Variants in ZNF423 observed in about 807,000 individuals in gnomAD.
ZNF423 encodes zinc finger protein 423, also known as Ebf-associated zinc finger protein.
A neutral mutation model predicts 95.8 loss-of-function variants in ZNF423; 12 were observed. The ratio of observed to expected loss-of-function variants is 0.13; its 90% CI spans 0.08 to 0.20. The LOEUF (loss-of-function observed/expected upper bound fraction) is 0.20. ZNF423 is among the 10% of genes least tolerant of loss of function. The pLI is 1.00. For missense variants in ZNF423, 1,316 were observed against 1,737.1 expected, an observed-to-expected ratio of 0.76 and a Z score of 4.31; for synonymous variants, 749 against 711.9, an observed-to-expected ratio of 1.05 and a Z score of -0.83.
intron 7 of ZNF423, among the ~76,000 whole-genome samples, chr16:49,500,737 T>A (rs543819534): frequency 6.7e-6 from 1 of 148,786 alleles, no homozygotes; most frequent in South Asian, 2.1e-4. Flanking sequence ...TGAAACCCCA[T>A]CTCTACGAAA....
Position 49,691,010 on chromosome 16 carries a change from G to T in ZNF423, c.301+39761C>A, listed in dbSNP as rs368978593. Among the ~76,000 whole-genome samples the T allele has an allele frequency of 2.6e-5, 4 of 152,354 alleles. No individual in the cohort carries two copies. In the East Asian group the frequency reaches 5.8e-4, roughly 22 times the overall value. The stretch of plus-strand genomic sequence containing the variant: ...CCGGCAGCCCATGGCTCCAGCCTGA[G>T]GCCCAGGCATCTGACCAGAGACACT... On this transcript the variant is annotated intron_variant, in intron 3 of 7. Transcript: ENST00000563137.
chr16:49,596,470 A>G (rs1209386856), intron 5 of ZNF423, among the ~76,000 whole-genome samples: 1 of 152,246 alleles, frequency 6.6e-6, no homozygotes, highest in Non-Finnish European at 1.5e-5. Context: ...GAAAAACTGT[A>G]ACACCATGTA....
chr16:49,808,389 A>T, intron 1 of ZNF423, among the ~76,000 whole-genome samples: 1 of 152,222 alleles, frequency 6.6e-6, no homozygotes, highest in Non-Finnish European at 1.5e-5. Flanking sequence ...AATAAAATAA[A>T]CATAAGAAGT....
At chr16:49,563,493 A>C (rs929107277) in intron 5 of ZNF423, among the ~76,000 whole-genome samples, 4 of 152,248 alleles carry the variant, frequency 2.6e-5, no homozygotes, top group African/African-American at 9.6e-5. Context: ...ACAAGGTCTA[A>C]GACAAACGAT....
intron 3 of ZNF423, among the ~76,000 whole-genome samples, chr16:49,664,738 G>A (rs897835264): frequency 1.3e-5 from 2 of 152,222 alleles, no homozygotes; most frequent in South Asian, 2.1e-4. Flanking sequence ...GAAACTGGCC[G>A]GGCCACAGCC....
intron 3 of ZNF423, among the ~76,000 whole-genome samples, chr16:49,694,805 G>A (rs1296185838): frequency 6.6e-6 from 1 of 152,234 alleles, no homozygotes; most frequent in Non-Finnish European, 1.5e-5. Context: ...GCATCTTGAG[G>A]TAGGGTAGGG....
At chr16:49,739,784 G>C (rs888381386) in intron 2 of ZNF423, among the ~76,000 whole-genome samples, 1 of 142,474 alleles carries the variant, frequency 7.0e-6, no homozygotes, top group Non-Finnish European at 1.5e-5. Flanking sequence ...CTGCAGCCTT[G>C]AACTCCTGGG....
intron 1 of ZNF423, among the ~76,000 whole-genome samples, chr16:49,852,798 T>C (rs2035316203): frequency 6.8e-6 from 1 of 147,594 alleles, no homozygotes; most frequent in Non-Finnish European, 1.5e-5. Flanking sequence ...CCCTATTTAC[T>C]AGGTGTCCTC....
At chr16:49,757,152 C>T (rs2033742669) in intron 2 of ZNF423, among the ~76,000 whole-genome samples, 1 of 152,234 alleles carries the variant, frequency 6.6e-6, no homozygotes, top group Non-Finnish European at 1.5e-5. Context: ...ACTCCTGTGT[C>T]CTCCACAACA....
upstream of ZNF423, among the ~76,000 whole-genome samples, chr16:49,859,274 G>C (rs2035405476): frequency 6.6e-6 from 1 of 152,016 alleles, no homozygotes; most frequent in Admixed American, 6.6e-5. Context: ...CCGAAAGGAC[G>C]AGATCCTGGA....
intron 4 of ZNF423, among the ~76,000 whole-genome samples, chr16:49,629,245 A>G (rs1410774037): frequency 6.6e-6 from 1 of 152,172 alleles, no homozygotes; most frequent in Non-Finnish European, 1.5e-5. Context: ...GGCCCTGTAG[A>G]TAGCTTTCAA....
At chr16:49,520,191 C>A (rs1968336357) in intron 7 of ZNF423, among the ~76,000 whole-genome samples, 1 of 152,198 alleles carries the variant, frequency 6.6e-6, no homozygotes, top group African/African-American at 2.4e-5. Flanking sequence ...AGAAACAGGG[C>A]CTGGCACATC....
chr16:49,579,921 C>A (rs985208395), intron 5 of ZNF423, among the ~76,000 whole-genome samples: 5 of 152,102 alleles, frequency 3.3e-5, no homozygotes, highest in African/African-American at 1.2e-4. Flanking sequence ...GTTTGTCCAC[C>A]TACCTTTCAA....
intron 7 of ZNF423, among the ~76,000 whole-genome samples, chr16:49,510,820 T>C (rs1310664332): frequency 6.6e-6 from 1 of 152,208 alleles, no homozygotes; most frequent in Non-Finnish European, 1.5e-5. Context: ...TGGTCCCGGC[T>C]GAGGCAGCGC....
At chr16:49,721,069 G>A (rs13332118) in intron 3 of ZNF423, among the ~76,000 whole-genome samples, 2 of 152,234 alleles carry the variant, frequency 1.3e-5, no homozygotes, top group African/African-American at 2.4e-5. Context: ...ATGTACACAC[G>A]GTGATGGGGT....
In ZNF423 at chr16:49,822,811, G is replaced by C. The variant is rs111362834; in HGVS notation, c.40+32924C>G. ...GCAATCTCCTGGTGAAATAACACTTGTATACCCATTTGACAGATGAGCAAA... is the reference window on the plus strand; with the variant it reads ...GCAATCTCCTGGTGAAATAACACTTCTATACCCATTTGACAGATGAGCAAA... On this transcript the variant is annotated intron_variant, in intron 1 of 7. Transcript: ENST00000563137. The C allele has an allele frequency of 3.3e-6, 4 of 1,197,378 alleles. No homozygotes were observed. The Admixed American group carries it at 9.2e-5, about 27-fold the overall frequency. The allele number at this position is 1,197,378 out of a possible 1,614,324, so 74.2% of individuals were successfully genotyped here.
intron 5 of ZNF423, among the ~76,000 whole-genome samples, chr16:49,560,747 A>G (rs1969988421): frequency 6.6e-6 from 1 of 152,206 alleles, no homozygotes; most frequent in Non-Finnish European, 1.5e-5. Context: ...ACTCGGTGTA[A>G]AAAGAACAAT....
chr16:49,818,828 A>C (rs1002453516), intron 1 of ZNF423, among the ~76,000 whole-genome samples: 12 of 152,204 alleles, frequency 7.9e-5, no homozygotes, highest in Admixed American at 2.6e-4. Flanking sequence ...TCAAAACTAC[A>C]ATGAGCTGTA....
Position 49,638,029 on chromosome 16 carries a change from T to C in ZNF423, c.1147A>G (p.Ser383Gly), listed in dbSNP as rs748635194. ...GTGGAGCCACGCTCCACAGAGGCGC[T>C]GGAGTCGGGTGTGGCGCTGCTCATG... is the stretch of plus-strand genomic sequence containing the variant. Reference protein sequence around the residue: ...ASMSSATPDSSASVERGSTPD... With the variant: ...ASMSSATPDSGASVERGSTPD... Residue 383 changes from serine to glycine, a missense_variant, in exon 4 of 8, where the codon AGC (serine) becomes GGC (glycine). By Grantham distance (56) the Ser-to-Gly change is moderately conservative (BLOSUM62 0). Transcript: ENST00000563137. The surrounding 1 kb of genome is among the most constrained non-coding windows in gnomAD (Gnocchi z 5.6). 2.5e-6 allele frequency: 4 copies of C among 1,614,028 alleles called. No individual in the cohort carries two copies. Among genetic ancestry groups the C allele is most frequent in the Non-Finnish European group, 3.4e-6 (4 of 1,180,006 alleles).
Sources: gnomAD v4.1 joint callset for allele counts (sites outside exome capture counted in the v4.1 genomes callset) on GRCh38, gnomAD v4.1.1 for gene constraint, Gnocchi (gnomAD v3.1) non-coding constraint, MANE v1.5 for transcripts, NCBI Gene and HGNC (gene_info 2026-07-23, HGNC 2026-07-21) for gene names.